ATAD3C: variants seen among roughly 807,000 people sequenced by gnomAD.
ATAD3C encodes ATPase family AAA domain-containing protein 3C.
A neutral mutation model predicts 46.3 loss-of-function variants in ATAD3C; 38 were observed. That is an observed-to-expected ratio of 0.82 (90% CI 0.63 to 1.08). The LOEUF (loss-of-function observed/expected upper bound fraction) is 1.08. Among genes scored for constraint, ATAD3C ranks in the 50% least tolerant of loss-of-function variants. The pLI, the probability that ATAD3C is intolerant of heterozygous loss-of-function variation, is 0.00. For synonymous variants in ATAD3C, 220 were observed against 236.4 expected (o/e 0.93, Z 0.63); for missense variants, 563 against 572.7 (o/e 0.98, Z 0.17).
rs1639040861 is a variant in ATAD3C at position 1,460,662 on chromosome 1, C to T, written c.813-88C>T. The T allele has an allele frequency of 2.1e-6, 3 of 1,438,152 alleles. No homozygotes were observed. The African/African-American group carries it at 4.3e-5, about 21-fold the overall frequency. The allele number at this position is 1,438,152 out of a possible 1,614,324, so 89.1% of individuals were successfully genotyped here. On this transcript the variant is annotated intron_variant, in intron 9 of 11. Transcript: ENST00000378785. The stretch of plus-strand genomic sequence containing the variant: ...GCCACTTTAGATTCTCCCAGAAAGT[C>T]TTCCTGAGGGGGCTGAGGAGCACCT...
At chr1:1,467,880 C>T (rs1159655868) in intron 11 of ATAD3C, among the ~76,000 whole-genome samples, 3 of 152,090 alleles carry the variant, frequency 2.0e-5, no homozygotes, top group Admixed American at 2.0e-4. Context: ...CCTTCACATG[C>T]TAGATGCCAA....
intron 11 of ATAD3C, among the ~76,000 whole-genome samples, chr1:1,463,480 A>G (rs1639102088): frequency 6.6e-6 from 1 of 151,968 alleles, no homozygotes; most frequent in Non-Finnish European, 1.5e-5. Flanking sequence ...GTATGTAGGG[A>G]GCTGTATTAG....
At chr1:1,454,908 G>T (rs1188042233) in intron 4 of ATAD3C, among the ~76,000 whole-genome samples, 1 of 151,866 alleles carries the variant, frequency 6.6e-6, no homozygotes, top group African/African-American at 2.4e-5. Context: ...CAGGTCACTC[G>T]GTGGGTGGTT....
chr1:1,466,068 C>A (rs1188593635), intron 11 of ATAD3C, among the ~76,000 whole-genome samples: 1 of 151,750 alleles, frequency 6.6e-6, no homozygotes, highest in African/African-American at 2.4e-5. Flanking sequence ...CATGGAGAAA[C>A]CCCGACTCTA....
Position 1,468,489 on chromosome 1 carries a change from G to C in ATAD3C, c.1195G>C (p.Gly399Arg), listed in dbSNP as rs2454647. ...CCAGCAGATGATGCGCTGGCTGAAG[G>C]GGGAGAGGCCTGGGCCCGAGGACGA... ...QHQQMMRWLK[G>R]ERPGPEDEQP... The change falls in exon 12 of 12, where the codon GGG (glycine) becomes CGG (arginine). Residue 399 changes from glycine (G) to arginine (R), a missense_variant. Gly to Arg is a moderately radical substitution (Grantham distance 125). Transcript: ENST00000378785. 1.8e-5 allele frequency: 29 copies of C among 1,611,456 alleles called. 1 individual carries two copies. The highest frequency in any genetic ancestry group is 4.4e-5 in the South Asian group (4 of 90,812).
Position 1,455,972 on chromosome 1 carries a change from G to C in ATAD3C, c.564+56G>C, listed in dbSNP as rs1004785422. 3.1e-6 allele frequency: 5 copies of C among 1,608,034 alleles called. No individual in the cohort carries two copies. In the African/African-American group the frequency reaches 6.7e-5, roughly 22 times the overall value. On this transcript the variant is annotated intron_variant, in intron 6 of 11. Transcript: ENST00000378785. ...GGGGCCGCTGGGGTCTCACCTGCCT[G>C]CAGGTGTCTGGGGGGCTCAGCTGCC...
At chr1:1,466,183 G>A (rs1296819089) in intron 11 of ATAD3C, among the ~76,000 whole-genome samples, 11 of 150,642 alleles carry the variant, frequency 7.3e-5, no homozygotes, top group African/African-American at 1.5e-4. Flanking sequence ...CAGAGGTTGC[G>A]GTGAGCCGAG....
rs186175708 is a variant in ATAD3C, at chr1:1,462,929, G to T, written c.1089+221G>T. Among the ~76,000 whole-genome samples, 322 of 152,248 alleles carry T rather than the reference G, an allele frequency of 2.1e-3. 3 individuals carry two copies. Among genetic ancestry groups the T allele is most frequent in the African/African-American group, 7.3e-3 (303 of 41,562 alleles). ...GGGTGGGGCCATGTCAGTGGCTGAC[G>T]GTCACAGGTCAGGAAGCCAGTGCGG... On this transcript the variant is annotated intron_variant, in intron 11 of 11. Coordinates refer to ENST00000378785, the MANE Select transcript of ATAD3C (RefSeq NM_001039211.3). This position sits in a 1 kb window ranked among gnomAD's most constrained non-coding sequence, Gnocchi z 4.5.
In ATAD3C at chr1:1,467,710, T is replaced by TG. The variant is rs1445458375; in HGVS notation, c.1090-669dup. ...GTGCGCTCTTGAGCATGGCGCCCAG[T>TG]GGGGGTCCCCACACCCTCACCCTGA... On this transcript the variant is annotated intron_variant, in intron 11 of 11. Transcript: ENST00000378785. Among the ~76,000 whole-genome samples, 21 of 152,092 alleles carry TG rather than the reference T, an allele frequency of 1.4e-4. 1 individual carries two copies. The highest frequency in any genetic ancestry group is 7.2e-4 in the Admixed American group (11 of 15,268).
At position 1,468,341 on chromosome 1, in the gene ATAD3C, G is replaced by T. The variant is rs565505346; in HGVS notation, c.1090-43G>T. On this transcript the variant is annotated intron_variant, in intron 11 of 11. Transcript: ENST00000378785. Reference sequence around the variant, plus strand: ...GCCCTGGCGTGCATTTGGGGTGGGGGGTTCCCATGGCGGCCTCCCTCAGCT... The same window carrying T: ...GCCCTGGCGTGCATTTGGGGTGGGGTGTTCCCATGGCGGCCTCCCTCAGCT... 2.0e-5 allele frequency: 31 copies of T among 1,580,450 alleles called. No individual in the cohort carries two copies. In the African/African-American group the frequency reaches 2.3e-4, roughly 12 times the overall value.
chr1:1,461,297 C>T (rs1181660283), intron 10 of ATAD3C, among the ~76,000 whole-genome samples: 1 of 152,034 alleles, frequency 6.6e-6, no homozygotes, highest in Non-Finnish European at 1.5e-5. Context: ...ACGCGATTCT[C>T]CTGCATCAGC....
chr1:1,461,616 G>A (rs1449962419), intron 10 of ATAD3C, among the ~76,000 whole-genome samples: 4 of 150,692 alleles, frequency 2.7e-5, no homozygotes, highest in Non-Finnish European at 5.9e-5. Context: ...GAATTCGAAG[G>A]AGAGTCTCCT....
At chr1:1,457,615 CAAAA>C (rs1041273067) in intron 8 of ATAD3C, among the ~76,000 whole-genome samples, 4 of 109,104 alleles carry the variant, frequency 3.7e-5, no homozygotes, top group Non-Finnish European at 5.0e-5. Context: ...AAAAAAAAAA[CAAAA>C]AAAACAGCAT....
chr1:1,460,404 G>C (rs929579131), intron 9 of ATAD3C, among the ~76,000 whole-genome samples: 4 of 151,998 alleles, frequency 2.6e-5, no homozygotes, highest in African/African-American at 9.7e-5. Context: ...TCTTGACATG[G>C]ACTCTGGGTC....
chr1:1,452,090 G>A lies in ATAD3C; in HGVS notation c.120G>A (p.Gln40=). The change falls in exon 2 of 12, where the codon CAG becomes CAA. Residue 40 remains glutamine (Q), a synonymous_variant. Transcript: ENST00000378785. ...EDLRKQEESV[Q]KHHQTFLESI... ...TACGGAAGCAGGAGGAGTCCGTGCA[G>A]AAGCACCATCAGACCTTCTTGGAGT... 6.2e-7 allele frequency: 1 copy of A among 1,613,674 alleles called. No individual in the cohort carries two copies. The highest frequency in any genetic ancestry group is 8.5e-7 in the Non-Finnish European group (1 of 1,179,682).
At chr1:1,458,675 G>A (rs1639007042) in intron 8 of ATAD3C, among the ~76,000 whole-genome samples, 1 of 151,178 alleles carries the variant, frequency 6.6e-6, no homozygotes, top group Non-Finnish European at 1.5e-5. Context: ...CTCTTGCCTT[G>A]ACCTTCTGAA....
At chr1:1,452,521 G>T in intron 3 of ATAD3C, 87 bp downstream of exon 3, 1 of 1,599,296 alleles carries the variant, frequency 6.3e-7, no homozygotes, top group Non-Finnish European at 8.6e-7. Context: ...ATCCCTGCTG[G>T]CTCTGCACAG....
intron 11 of ATAD3C, among the ~76,000 whole-genome samples, chr1:1,466,728 G>A (rs994393925): frequency 2.0e-5 from 3 of 151,758 alleles, no homozygotes; most frequent in African/African-American, 7.3e-5. Context: ...ATCCTGCTTG[G>A]TCAGGGTGTG....
At chr1:1,458,413 TAC>T (rs1450833474) in intron 8 of ATAD3C, among the ~76,000 whole-genome samples, 1 of 151,372 alleles carries the variant, frequency 6.6e-6, no homozygotes, top group Non-Finnish European at 1.5e-5. Flanking sequence ...TAGCTGGGAT[TAC>T]AGTCATGTAC....
Sources: allele counts gnomAD v4.1 joint callset (sites outside exome capture counted in the v4.1 genomes callset), GRCh38; gene constraint gnomAD v4.1.1; non-coding constraint Gnocchi (gnomAD v3.1); transcripts MANE v1.5; gene names NCBI Gene and HGNC (gene_info 2026-07-23, HGNC 2026-07-21).